CCDC73: variants seen among roughly 807,000 people sequenced by gnomAD.
The protein encoded by CCDC73 is coiled-coil domain containing 73.
CCDC73 carries 95 observed loss-of-function variants against 116.5 expected under a neutral mutation model. That is an observed-to-expected ratio of 0.82 (90% CI 0.69 to 0.97). CCDC73 has a LOEUF of 0.97. Ranked by LOEUF, CCDC73 falls within the 50% of genes least tolerant of loss-of-function variation. The pLI is 0.00. For synonymous variants in CCDC73, 398 were observed against 401.3 expected (o/e 0.99, Z 0.10); for missense variants, 1,066 against 1,206.8 (o/e 0.88, Z 1.73).
intron 2 of CCDC73, among the ~76,000 whole-genome samples, chr11:32,757,246 T>A (rs1009076767): frequency 6.6e-5 from 10 of 151,984 alleles, no homozygotes; most frequent in Admixed American, 5.9e-4. Context: ...GATAAGCTTA[T>A]CTTTAGTGAA....
the CCDC73 span, among the ~76,000 whole-genome samples, chr11:32,813,495 C>A: frequency 0.036 from 5,424 of 152,200 alleles, 133 homozygotes; most frequent in East Asian, 0.12. Context: ...TGGCCTCAAG[C>A]AATCCTCCCA....
the CCDC73 span, among the ~76,000 whole-genome samples, chr11:32,811,051 A>C: frequency 7.3e-6 from 1 of 137,806 alleles, no homozygotes; most frequent in Non-Finnish European, 1.5e-5. Context: ...ACAGAGCAAG[A>C]CTCTGTCTCA....
At chr11:32,761,989 C>T (rs978019720) in intron 1 of CCDC73, among the ~76,000 whole-genome samples, 7 of 152,282 alleles carry the variant, frequency 4.6e-5, no homozygotes, top group Non-Finnish European at 8.8e-5. Context: ...GAGGCCCACC[C>T]ACATTATGGA....
intron 2 of CCDC73, among the ~76,000 whole-genome samples, chr11:32,734,326 G>A (rs1232004073): frequency 6.6e-6 from 1 of 151,658 alleles, no homozygotes; most frequent in East Asian, 1.9e-4. Flanking sequence ...ATTCACAGTC[G>A]AATTCTACCA....
intron 1 of CCDC73, among the ~76,000 whole-genome samples, chr11:32,768,902 C>A (rs917475207): frequency 9.2e-5 from 14 of 152,026 alleles, no homozygotes; most frequent in African/African-American, 3.4e-4. Flanking sequence ...GAGAAATCTG[C>A]AAGATGTCTG....
At chr11:32,626,743 A>T (rs541500239) in intron 14 of CCDC73, among the ~76,000 whole-genome samples, 7 of 152,342 alleles carry the variant, frequency 4.6e-5, no homozygotes, top group African/African-American at 1.4e-4. Context: ...CTATTTAATA[A>T]ATGGTGCTGG....
At chr11:32,830,359 G>T in the CCDC73 span, 1 of 818,650 alleles carries the variant, frequency 1.2e-6, no homozygotes. Flanking sequence ...CTTCCTGGGC[G>T]CGCGTCGGGT....
At chr11:32,675,805 G>C in intron 8 of CCDC73, 81 bp downstream of exon 8, 1 of 1,271,744 alleles carries the variant, frequency 7.9e-7, no homozygotes, top group Non-Finnish European at 1.1e-6. Context: ...TATTATCATA[G>C]ATATTCAATG....
intron 9 of CCDC73, among the ~76,000 whole-genome samples, chr11:32,664,227 A>G (rs899828227): frequency 1.3e-5 from 2 of 152,042 alleles, no homozygotes; most frequent in African/African-American, 4.8e-5. Flanking sequence ...CTCTTTTTCT[A>G]TTGATTGGAG....
chr11:32,618,146 A>G (rs1197877209), intron 14 of CCDC73, among the ~76,000 whole-genome samples: 2 of 152,044 alleles, frequency 1.3e-5, no homozygotes, highest in African/African-American at 4.8e-5. Flanking sequence ...TTCTGTTCCT[A>G]TGTTAATTTG....
rs116702562 is a variant in CCDC73 at position 32,720,095 on chromosome 11, G to A, written c.136-1948C>T. 3.6e-3 allele frequency among the ~76,000 whole-genome samples: 541 copies of A among 151,944 alleles called. 6 individuals are homozygous for A. Among genetic ancestry groups the A allele is most frequent in the African/African-American group, 0.013 (521 of 41,438 alleles). On this transcript the variant is annotated intron_variant, in intron 2 of 17. Coordinates refer to ENST00000335185, the MANE Select transcript of CCDC73 (RefSeq NM_001008391.4). ...TACCAATACCAAAGACAGCACAAAG[G>A]GAATACTCTGACCAATACTTCTCAC... is the stretch of plus-strand genomic sequence containing the variant.
intron 7 of CCDC73, chr11:32,679,962 C>T (rs1856128808): frequency 6.6e-6 from 1 of 152,190 alleles, no homozygotes; most frequent in East Asian, 1.9e-4. Context: ...AGTTTCATTG[C>T]ATTTGTTTGC....
intron 14 of CCDC73, among the ~76,000 whole-genome samples, chr11:32,619,654 CAGAGGG>C (rs147309337): frequency 0.1 from 15,361 of 151,482 alleles, 1,040 homozygotes; most frequent in Non-Finnish European, 0.15. Flanking sequence ...GCCTGGGTGA[CAGAGGG>C]AGACCCTGTT....
At chr11:32,716,298 T>G (rs1459894930) in intron 3 of CCDC73, among the ~76,000 whole-genome samples, 3 of 152,198 alleles carry the variant, frequency 2.0e-5, no homozygotes, top group African/African-American at 7.2e-5. Context: ...TATTCCCCAC[T>G]GATTTAAAGG....
At chr11:32,752,584 A>G (rs1435992314) in intron 2 of CCDC73, among the ~76,000 whole-genome samples, 2 of 152,194 alleles carry the variant, frequency 1.3e-5, no homozygotes, top group African/African-American at 4.8e-5. Flanking sequence ...CATCAATCTA[A>G]GTATGTTTCC....
At chr11:32,813,521 G>A in the CCDC73 span, among the ~76,000 whole-genome samples, 936 of 152,264 alleles carry the variant, frequency 6.1e-3, 12 homozygotes, top group African/African-American at 0.021. Flanking sequence ...GCCTCCCAAA[G>A]TGCTGGAATT....
rs192032215 is a variant in CCDC73, at chr11:32,659,154, T to C, written c.646-4182A>G. Among the ~76,000 whole-genome samples the C allele has an allele frequency of 3.1e-3, 479 of 152,294 alleles. 3 individuals are homozygous for C. Among genetic ancestry groups the C allele is most frequent in the East Asian group, 1.7e-3 (9 of 5,184 alleles). On this transcript the variant is annotated intron_variant, in intron 9 of 17. Coordinates refer to ENST00000335185, the MANE Select transcript of CCDC73 (RefSeq NM_001008391.4). ...GGAATTCCCTCAAATAAAGTTTCTA[T>C]GTATCAGTCATGATTCACCTTCACA...
At chr11:32,604,947 G>C (rs1261690717) in intron 17 of CCDC73, 1 of 152,222 alleles carries the variant, frequency 6.6e-6, no homozygotes. Flanking sequence ...CCACCTCCCA[G>C]GTTCAAGCGA....
At chr11:32,652,333 A>C (rs1186511422) in intron 12 of CCDC73, among the ~76,000 whole-genome samples, 1 of 120,854 alleles carries the variant, frequency 8.3e-6, no homozygotes, top group Non-Finnish European at 1.7e-5. Flanking sequence ...AAAGAAAAAC[A>C]AAACAAAACA....
Sources: gnomAD v4.1 joint callset for allele counts (sites outside exome capture counted in the v4.1 genomes callset) on GRCh38, gnomAD v4.1.1 for gene constraint, MANE v1.5 for transcripts, NCBI Gene and HGNC (gene_info 2026-07-23, HGNC 2026-07-21) for gene names.